The following MICAL2 variants were observed in gnomAD, a reference collection of about 807,000 sequenced individuals.
MICAL2 encodes the protein microtubule associated monooxygenase, calponin and LIM domain containing 2.
In MICAL2, 77 loss-of-function variants were observed where a neutral mutation model predicts 127.3. That is an observed-to-expected ratio of 0.60 (90% CI 0.50 to 0.73). The LOEUF is 0.73. Ranked by LOEUF, MICAL2 falls within the 30% of genes least tolerant of loss-of-function variation. The pLI is 0.00. For missense variants in MICAL2, 1,351 were observed against 1,434.4 expected, an observed-to-expected ratio of 0.94 and a Z score of 0.94; for synonymous variants, 570 against 551.1, an observed-to-expected ratio of 1.03 and a Z score of -0.48.
At position 12,224,791 on chromosome 11, in the gene MICAL2, C is replaced by T. The variant is rs768265153; in HGVS notation, c.1659C>T (p.Ala553=). ...TSWRSGLALC[A]IIHRFRPELI... is the part of the protein sequence containing the mutation. The stretch of plus-strand genomic sequence containing the variant: ...GGCGCAGTGGGTTGGCCCTGTGTGC[C>T]ATCATCCACCGCTTCCGGCCTGAGC... Residue 553 remains alanine, a synonymous_variant, in exon 13 of 28, where the codon GCC becomes GCT. Coordinates refer to ENST00000683283, the MANE Select transcript of MICAL2 (RefSeq NM_001282663.2). The T allele has an allele frequency of 2.5e-6, 4 of 1,613,696 alleles. No individual in the cohort carries two copies. The South Asian group carries it at 3.3e-5, about 13-fold the overall frequency.
At chr11:12,120,155 C>T (rs934317297) in intron 1 of MICAL2, among the ~76,000 whole-genome samples, 1 of 152,228 alleles carries the variant, frequency 6.6e-6, no homozygotes, top group African/African-American at 2.4e-5. Flanking sequence ...TCCCCCAGAG[C>T]CTTGGGGCTT....
rs149624805 is a variant in MICAL2, at chr11:12,166,524, A to G, written c.264+4105A>G. 3.6e-4 allele frequency among the ~76,000 whole-genome samples: 55 copies of G among 152,342 alleles called. 1 individual carries two copies. The East Asian group carries it at 0.011, about 29-fold the overall frequency. On this transcript the variant is annotated intron_variant, in intron 3 of 27. Coordinates refer to ENST00000683283, the MANE Select transcript of MICAL2 (RefSeq NM_001282663.2). ...CTATGTGTCAGGCATTTGTCTAGCT[A>G]TGTAATAGCTCTGTAGCCTTGGGCA...
chr11:12,358,629 G>A (rs190775789), downstream of MICAL2: 22 of 670,504 alleles, frequency 3.3e-5, no homozygotes, highest in Middle Eastern at 4.5e-4. Flanking sequence ...TCTCTTGCAC[G>A]CATGGCAGCT....
chr11:12,168,427 C>G (rs1565084273), intron 3 of MICAL2, among the ~76,000 whole-genome samples: 1 of 149,712 alleles, frequency 6.7e-6, no homozygotes, highest in East Asian at 2.0e-4. Flanking sequence ...CCCCCACACA[C>G]CATATACACA....
chr11:12,294,854 G>A, downstream of MICAL2: 1 of 1,473,368 alleles, frequency 6.8e-7, no homozygotes, highest in Non-Finnish European at 8.9e-7. Flanking sequence ...AGCGGGAGGT[G>A]CAGGTAAGTG....
At chr11:12,149,102 C>T (rs1319155692) in intron 2 of MICAL2, among the ~76,000 whole-genome samples, 1 of 152,182 alleles carries the variant, frequency 6.6e-6, no homozygotes, top group Non-Finnish European at 1.5e-5. Context: ...CTAAAGACCA[C>T]TGGGCTTTCA....
At chr11:12,137,226 G>A (rs890242080) in intron 1 of MICAL2, among the ~76,000 whole-genome samples, 12 of 152,224 alleles carry the variant, frequency 7.9e-5, no homozygotes, top group African/African-American at 2.4e-4. Flanking sequence ...CAGGGCTGCC[G>A]CTTCTGCCCA....
chr11:12,111,576 C>T (rs1158642271), intron 1 of MICAL2, among the ~76,000 whole-genome samples: 4 of 152,224 alleles, frequency 2.6e-5, no homozygotes, highest in Admixed American at 6.5e-5. Context: ...AGTGTGCCTC[C>T]TTCCACATTG....
chr11:12,355,609 T>G (rs143684904), intron 34 of MICAL2, among the ~76,000 whole-genome samples: 1 of 152,200 alleles, frequency 6.6e-6, no homozygotes, highest in Non-Finnish European at 1.5e-5. Context: ...CCTTATGAGG[T>G]TGCCCAGTAT....
At chr11:12,252,044 C>A (rs1000236936) in intron 22 of MICAL2, among the ~76,000 whole-genome samples, 6 of 152,158 alleles carry the variant, frequency 3.9e-5, no homozygotes, top group African/African-American at 1.4e-4. Flanking sequence ...CCAGTGGAGG[C>A]AGTCACACAA....
intron 29 of MICAL2, among the ~76,000 whole-genome samples, chr11:12,304,705 C>G (rs948417852): frequency 6.6e-6 from 1 of 151,028 alleles, no homozygotes; most frequent in Non-Finnish European, 1.5e-5. Context: ...AAACATTCTT[C>G]TCCTCCCACT....
At chr11:12,276,878 G>A (rs150725250) in intron 1 of MICAL2, among the ~76,000 whole-genome samples, 188 of 152,280 alleles carry the variant, frequency 1.2e-3, no homozygotes, top group South Asian at 3.1e-3. Flanking sequence ...TCACCTATGC[G>A]CCAGGTCGAT....
At chr11:12,153,525 C>A (rs1281403593) in intron 2 of MICAL2, among the ~76,000 whole-genome samples, 1 of 152,152 alleles carries the variant, frequency 6.6e-6, no homozygotes. Flanking sequence ...GCAACCTCCA[C>A]CTCCCAGGTT....
intron 29 of MICAL2, among the ~76,000 whole-genome samples, chr11:12,304,225 C>T (rs1864082093): frequency 6.6e-6 from 1 of 152,090 alleles, no homozygotes; most frequent in Non-Finnish European, 1.5e-5. Flanking sequence ...TTTCCTTTCA[C>T]AGTCATATCT....
intron 8 of MICAL2, among the ~76,000 whole-genome samples, chr11:12,218,867 G>A (rs1036739180): frequency 1.3e-5 from 2 of 152,216 alleles, no homozygotes; most frequent in South Asian, 2.1e-4. Context: ...AATTGAGGGT[G>A]CCTTGGCTGG....
chr11:12,257,030 G>A, intron 24 of MICAL2, 59 bp downstream of exon 24: 1 of 1,519,448 alleles, frequency 6.6e-7, no homozygotes, highest in Non-Finnish European at 8.8e-7. Context: ...TGTGACCTTG[G>A]CTCGGGTTCC....
chr11:12,222,333 C>G (rs1010056329), intron 10 of MICAL2, among the ~76,000 whole-genome samples: 1 of 152,158 alleles, frequency 6.6e-6, no homozygotes, highest in Non-Finnish European at 1.5e-5. Flanking sequence ...ATGGTTATGG[C>G]AAAACCACAG....
At chr11:12,295,053 C>A (rs927978035), downstream of MICAL2, among the ~76,000 whole-genome samples, 1 of 151,982 alleles carries the variant, frequency 6.6e-6, no homozygotes, top group African/African-American at 2.4e-5. Flanking sequence ...GAAAAGAGAC[C>A]AATCAACCAT....
At chr11:12,247,171 A>C (rs1223866648) in intron 21 of MICAL2, among the ~76,000 whole-genome samples, 1 of 152,108 alleles carries the variant, frequency 6.6e-6, no homozygotes, top group Non-Finnish European at 1.5e-5. Context: ...CCACGCATGC[A>C]TGGAGGCCTT....
Sources: allele counts gnomAD v4.1 joint callset (sites outside exome capture counted in the v4.1 genomes callset), GRCh38; gene constraint gnomAD v4.1.1; transcripts MANE v1.5; gene names NCBI Gene and HGNC (gene_info 2026-07-23, HGNC 2026-07-21).